Variants in SMURF1 observed in about 807,000 individuals in gnomAD.
SMURF1 encodes E3 ubiquitin-protein ligase SMURF1.
SMURF1 carries 44 observed loss-of-function variants against 98.0 expected under a neutral mutation model. That is an observed-to-expected ratio of 0.45 (90% CI 0.35 to 0.58). SMURF1 has a LOEUF of 0.58. Among genes scored for constraint, SMURF1 ranks in the 20% least tolerant of loss-of-function variants. The pLI is 0.00. For synonymous variants in SMURF1, 396 were observed against 374.9 expected, an observed-to-expected ratio of 1.06 and a Z score of -0.65; for missense variants, 687 against 938.4, an observed-to-expected ratio of 0.73 and a Z score of 3.50.
intron 1 of SMURF1, among the ~76,000 whole-genome samples, chr7:99,072,463 G>T (rs1367306006): frequency 1.3e-5 from 2 of 152,056 alleles, no homozygotes; most frequent in Admixed American, 6.6e-5. Flanking sequence ...GACCAACGCA[G>T]TGAAACCCTA....
Position 99,037,200 on chromosome 7 carries a change from C to T in SMURF1, c.1689-13G>A, listed in dbSNP as rs763984682. ...GTTTACATACAACCTGGAAGAAAAA[C>T]TCGCAAGTTGGATGCAACACCAAGT... On this transcript the variant is annotated splice_polypyrimidine_tract_variant and intron_variant, in intron 14 of 17. Coordinates refer to ENST00000361368, the MANE Select transcript of SMURF1 (RefSeq NM_181349.3). The T allele has an allele frequency of 3.1e-6, 5 of 1,613,840 alleles. No individual in the cohort carries two copies. The highest frequency in any genetic ancestry group is 4.2e-6 in the Non-Finnish European group (5 of 1,179,968).
chr7:99,035,919 T>A (rs1795121091), intron 15 of SMURF1: 1 of 598,316 alleles, frequency 1.7e-6, no homozygotes, highest in Admixed American at 2.9e-5. Flanking sequence ...TCCAAACGGG[T>A]CTCCAACCCC....
chr7:99,057,654 G>C, intron 3 of SMURF1, 103 bp from the exon 4 acceptor site: 1 of 1,339,402 alleles, frequency 7.5e-7, no homozygotes, highest in Non-Finnish European at 9.7e-7. Flanking sequence ...CCCCAGGCTG[G>C]AGTGCAGTTG....
chr7:99,099,021 A>C (rs959160165), intron 1 of SMURF1, among the ~76,000 whole-genome samples: 2 of 152,230 alleles, frequency 1.3e-5, no homozygotes, highest in Non-Finnish European at 2.9e-5. Flanking sequence ...TAGGGAGTAG[A>C]TCATTCTATA....
At position 99,030,616 on chromosome 7, in the gene SMURF1, C is replaced by T. The variant is rs775346247; in HGVS notation, c.2164G>A (p.Val722Met). ...EKLYEKLLTA[V>M]EETCGFAVE ...ACAGCAAACCCGCAGGTCTCCTCCA[C>T]GGCTGTCAGCAGCTTCTCGTAGAGC... Residue 722 changes from valine (V) to methionine (M), a missense_variant, in exon 18 of 18, where the codon GTG (valine) becomes ATG (methionine). Transcript: ENST00000361368. 19 of 1,614,140 alleles carry T rather than the reference C, an allele frequency of 1.2e-5. No individual in the cohort carries two copies. The highest frequency in any genetic ancestry group is 3.3e-5 in the South Asian group (3 of 91,084).
At position 99,078,281 on chromosome 7, in the gene SMURF1, G is replaced by GA. The variant is rs758770830; in HGVS notation, c.56-16445dup. The stretch of plus-strand genomic sequence containing the variant: ...CATACCAGTGCACTCCAGCCTGGGC[G>GA]AAAAAAAAAAAAAAAAAGTGGCACC... On this transcript the variant is annotated intron_variant, in intron 1 of 17. Transcript: ENST00000361368. Among the ~76,000 whole-genome samples, 531 of 106,340 alleles carry GA rather than the reference G, an allele frequency of 5.0e-3. 2 individuals are homozygous for GA. Among genetic ancestry groups the GA allele is most frequent in the Middle Eastern group, 0.017 (3 of 176 alleles). The allele number at this position is 106,340 out of a possible 152,430, so 69.8% of individuals were successfully genotyped here. A position where few individuals can be genotyped will look rare whatever the true frequency, so the allele number is the denominator to read the frequency against.
chr7:99,084,588 A>G (rs536044230), intron 1 of SMURF1, among the ~76,000 whole-genome samples: 2 of 152,188 alleles, frequency 1.3e-5, no homozygotes, highest in Non-Finnish European at 2.9e-5. Context: ...CCGTGAATAT[A>G]TGGCCAGGAT....
At chr7:99,060,276 G>C in intron 3 of SMURF1, among the ~76,000 whole-genome samples, 1 of 151,614 alleles carries the variant, frequency 6.6e-6, no homozygotes, top group South Asian at 2.1e-4. Flanking sequence ...CTACTTGGGA[G>C]GCTGAGGTAG....
At chr7:99,100,560 T>TAAAC (rs1392500749) in intron 1 of SMURF1, among the ~76,000 whole-genome samples, 1 of 151,878 alleles carries the variant, frequency 6.6e-6, no homozygotes, top group Admixed American at 6.6e-5. Context: ...TCTTGAAAAA[T>TAAAC]AAACAAAAAT....
chr7:99,076,818 TG>T (rs1274427128), intron 1 of SMURF1, among the ~76,000 whole-genome samples: 1 of 149,302 alleles, frequency 6.7e-6, no homozygotes, highest in Non-Finnish European at 1.5e-5. Context: ...CAAGTGTGCA[TG>T]TGTGCACGTG....
Position 99,038,420 on chromosome 7 carries a change from T to C in SMURF1, c.1656A>G (p.Pro552=), listed in dbSNP as rs779637582. The C allele has an allele frequency of 1.9e-6, 3 of 1,614,260 alleles. No homozygotes were observed. In the South Asian group the frequency reaches 3.3e-5, roughly 18 times the overall value. The change falls in exon 14 of 18, where the codon CCA becomes CCG. Residue 552 remains proline (P), a synonymous_variant. Transcript: ENST00000361368. ...ATTCTTTCTTATTCTCCTCTGTGAC[T>C]GGCACATTTCTGCCATTGGGTTTCA... is the stretch of plus-strand genomic sequence containing the variant. ...HELKPNGRNV[P]VTEENKKEYV... is the part of the protein sequence containing the mutation.
At chr7:99,140,396 C>G (rs1798091190) in intron 1 of SMURF1, among the ~76,000 whole-genome samples, 1 of 148,790 alleles carries the variant, frequency 6.7e-6, no homozygotes, top group African/African-American at 2.5e-5. Context: ...AAGCCATTCT[C>G]CTGCCTCAGC....
chr7:99,036,873 C>A (rs1795165934), intron 15 of SMURF1, among the ~76,000 whole-genome samples, 194 bp downstream of exon 15: 1 of 152,194 alleles, frequency 6.6e-6, no homozygotes, highest in Admixed American at 6.5e-5. Flanking sequence ...AAGCAGACAT[C>A]TCGCCGGTTA....
In SMURF1 at chr7:99,030,807, G is replaced by A. The variant is rs1044316357; in HGVS notation, c.2097-124C>T. ...GAGGAATGGGGGGTGGGGCAGGGTTGGTGATGAGTTCTCCATGTCCCCTGT... is the reference window on the plus strand; with the variant it reads ...GAGGAATGGGGGGTGGGGCAGGGTTAGTGATGAGTTCTCCATGTCCCCTGT... On this transcript the variant is annotated intron_variant, in intron 17 of 17. Coordinates refer to ENST00000361368, the MANE Select transcript of SMURF1 (RefSeq NM_181349.3). 4.8e-5 allele frequency: 31 copies of A among 642,498 alleles called. No individual in the cohort carries two copies. In the Middle Eastern group the frequency reaches 1.3e-3, roughly 27 times the overall value. 39.8% of individuals were successfully genotyped at this position (642,498 alleles called of 1,614,324 possible).
chr7:99,125,394 G>A (rs1323259775), intron 1 of SMURF1, among the ~76,000 whole-genome samples: 1 of 151,532 alleles, frequency 6.6e-6, no homozygotes, highest in Non-Finnish European at 1.5e-5. Flanking sequence ...GCCAATAAAT[G>A]TTTCTGTTTT....
At chr7:99,049,843 G>A (rs1795702721) in intron 8 of SMURF1, 134 bp from the exon 9 acceptor site, 1 of 806,352 alleles carries the variant, frequency 1.2e-6, no homozygotes, top group African/African-American at 1.7e-5. Flanking sequence ...GGACCTTCGT[G>A]GTGCTACTTA....
chr7:99,038,620 G>C, intron 13 of SMURF1, 95 bp from the exon 14 acceptor site: 1 of 1,473,676 alleles, frequency 6.8e-7, no homozygotes, highest in East Asian at 2.3e-5. Context: ...CAAACCCGGG[G>C]CTGCAAGACA....
At chr7:99,111,675 A>T (rs1370627091) in intron 1 of SMURF1, among the ~76,000 whole-genome samples, 1 of 152,188 alleles carries the variant, frequency 6.6e-6, no homozygotes, top group Non-Finnish European at 1.5e-5. Context: ...GCTAAGAGAG[A>T]GTCATGGAAT....
At position 99,052,329 on chromosome 7, in the gene SMURF1, C is replaced by T; in HGVS notation, c.597G>A (p.Glu199=). ...GAAGTCTTTGATCTTGACTTGGGGA[C>T]TCCACGAACCTGCAATTCCCTCCTC... ...AAGGGNCRFV[E]SPSQDQRLQA... Residue 199 remains glutamate, a synonymous_variant, in exon 7 of 18, where the codon GAG becomes GAA. Coordinates refer to ENST00000361368, the MANE Select transcript of SMURF1 (RefSeq NM_181349.3). The T allele has an allele frequency of 6.2e-7, 1 of 1,612,746 alleles. No homozygotes were observed. Among genetic ancestry groups the T allele is most frequent in the Non-Finnish European group, 8.5e-7 (1 of 1,179,448 alleles).
Sources: allele counts gnomAD v4.1 joint callset (sites outside exome capture counted in the v4.1 genomes callset), GRCh38; gene constraint gnomAD v4.1.1; transcripts MANE v1.5; gene names NCBI Gene and HGNC (gene_info 2026-07-23, HGNC 2026-07-21).